PRKN: variants seen among roughly 807,000 people sequenced by gnomAD.
PRKN encodes the protein E3 ubiquitin-protein ligase parkin.
PRKN carries 56 observed loss-of-function variants against 59.5 expected under a neutral mutation model. The observed-to-expected ratio is 0.94, with a 90% CI of 0.76 to 1.18. PRKN has a LOEUF of 1.18. Ranked by LOEUF, PRKN falls within the 50% of genes most tolerant of loss-of-function variation. The pLI, the probability that PRKN is intolerant of heterozygous loss-of-function variation, is 0.00. For synonymous variants in PRKN, 250 were observed against 222.1 expected (o/e 1.13, Z -1.12); for missense variants, 657 against 596.4 (o/e 1.10, Z -1.06).
Position 161,410,527 on chromosome 6 carries a change from C to A in PRKN, c.1084-23650G>T, listed in dbSNP as rs1787485791. On this transcript the variant is annotated intron_variant, in intron 9 of 11. Transcript: ENST00000366898. The surrounding 1 kb of genome is among the most constrained non-coding windows in gnomAD (Gnocchi z 5.3). ...AAGCTCTTGGTCCCCTAAGGCCCTG[C>A]TCCTGGCAGATACTCTAAGGAGCCC... Among the ~76,000 whole-genome samples the A allele has an allele frequency of 6.6e-6, 1 of 152,174 alleles. No homozygotes were observed. Among genetic ancestry groups the A allele is most frequent in the Non-Finnish European group, 1.5e-5 (1 of 68,040 alleles).
intron 7 of PRKN, among the ~76,000 whole-genome samples, chr6:161,763,182 C>T (rs141079233): frequency 2.6e-5 from 4 of 152,248 alleles, no homozygotes; most frequent in Admixed American, 6.5e-5. Flanking sequence ...GTCTTTGAAT[C>T]GCACAAATCA....
Position 162,251,544 on chromosome 6 carries a change from T to G in PRKN, c.412+10981A>C, listed in dbSNP as rs974377660. Among the ~76,000 whole-genome samples the G allele has an allele frequency of 2.0e-5, 3 of 152,214 alleles. No homozygotes were observed. The South Asian group carries it at 6.2e-4, about 32-fold the overall frequency. On this transcript the variant is annotated intron_variant, in intron 3 of 11. Coordinates refer to ENST00000366898, the MANE Select transcript of PRKN (RefSeq NM_004562.3). ...AGATATGCTTAGCAGTTGAAGAATT[T>G]CTTTCTTATCTTAAATAGTAATACA...
chr6:162,321,037 T>C (rs970281284), intron 2 of PRKN, among the ~76,000 whole-genome samples: 1 of 151,570 alleles, frequency 6.6e-6, no homozygotes, highest in Non-Finnish European at 1.5e-5. Flanking sequence ...AGGTGAAAAA[T>C]CACTGGTTGA....
intron 6 of PRKN, among the ~76,000 whole-genome samples, chr6:161,886,753 A>ACAT (rs57686424): frequency 1.2e-4 from 16 of 134,962 alleles, no homozygotes; most frequent in African/African-American, 4.5e-4. Flanking sequence ...TAATAAAATA[A>ACAT]AAAAAAATAA....
intron 9 of PRKN, among the ~76,000 whole-genome samples, chr6:161,537,161 C>T (rs1489892442): frequency 1.3e-5 from 2 of 152,200 alleles, no homozygotes; most frequent in African/African-American, 4.8e-5. Context: ...CAGCTATCTT[C>T]TGAACACATA....
chr6:161,856,560 A>G (rs1370975897), intron 6 of PRKN, among the ~76,000 whole-genome samples: 2 of 152,108 alleles, frequency 1.3e-5, no homozygotes, highest in African/African-American at 4.8e-5. Flanking sequence ...GCACATTTTT[A>G]CCATAAATGG....
chr6:161,360,233 A>T lies in PRKN; in HGVS notation c.1168-28T>A, dbSNP rs995928189. ...GGGGAAACAAAGAGGAAAGGCGTTT[A>T]ATCTCAGCTTTCTATTACTGGGATC... On this transcript the variant is annotated intron_variant, in intron 10 of 11. Transcript: ENST00000366898. The surrounding 1 kb of genome is among the most constrained non-coding windows in gnomAD (Gnocchi z 5.1). The T allele has an allele frequency of 6.6e-7, 1 of 1,520,490 alleles. No individual in the cohort carries two copies. Among genetic ancestry groups the T allele is most frequent in the Non-Finnish European group, 9.1e-7 (1 of 1,094,126 alleles). The allele number at this position is 1,520,490 out of a possible 1,614,324, so 94.2% of individuals were successfully genotyped here.
intron 6 of PRKN, among the ~76,000 whole-genome samples, chr6:161,872,274 G>A (rs1258284165): frequency 1.3e-5 from 2 of 152,122 alleles, no homozygotes; most frequent in Non-Finnish European, 2.9e-5. Context: ...CTCCTGCACA[G>A]ATTCGAAAAG....
chr6:162,232,775 C>G (rs1778477641), intron 3 of PRKN, among the ~76,000 whole-genome samples: 1 of 152,116 alleles, frequency 6.6e-6, no homozygotes, highest in African/African-American at 2.4e-5. Context: ...GCCAAGACCT[C>G]CTATGCATTT....
intron 1 of PRKN, among the ~76,000 whole-genome samples, chr6:162,543,588 T>C (rs1779005751): frequency 6.6e-6 from 1 of 152,002 alleles, no homozygotes; most frequent in African/African-American, 2.4e-5. Context: ...AAAAGGACCT[T>C]CCCCCAAACC....
intron 5 of PRKN, among the ~76,000 whole-genome samples, chr6:162,024,051 A>G (rs1366837526): frequency 6.6e-6 from 1 of 152,134 alleles, no homozygotes; most frequent in Non-Finnish European, 1.5e-5. Flanking sequence ...GTATATTGAT[A>G]GGAATGACAT....
chr6:162,421,129 G>T (rs1788939112), intron 2 of PRKN, among the ~76,000 whole-genome samples: 1 of 152,112 alleles, frequency 6.6e-6, no homozygotes, highest in Non-Finnish European at 1.5e-5. Flanking sequence ...AGAACTCCAG[G>T]TAATCATTAA....
In PRKN at chr6:161,551,482, A is replaced by G. The variant is rs565800493; in HGVS notation, c.934-2479T>C. 3.9e-5 allele frequency among the ~76,000 whole-genome samples: 6 copies of G among 152,344 alleles called. No individual in the cohort carries two copies. Among genetic ancestry groups the G allele is most frequent in the African/African-American group, 1.4e-4 (6 of 41,586 alleles). On this transcript the variant is annotated intron_variant, in intron 8 of 11. Transcript: ENST00000366898. This position sits in a 1 kb window ranked among gnomAD's most constrained non-coding sequence, Gnocchi z 5.2. ...AAAGGAGACTAAGGAGCAGCAGCCT[A>G]TGAGGCAGGTGAAAACTGAGGAGGA...
chr6:161,989,605 C>T (rs961833495), intron 5 of PRKN, among the ~76,000 whole-genome samples: 19 of 152,212 alleles, frequency 1.2e-4, no homozygotes, highest in Non-Finnish European at 2.1e-4. Context: ...GTGTCCCAGC[C>T]GCCACAGCCT....
At position 161,554,747 on chromosome 6, in the gene PRKN, T is replaced by C. The variant is rs1780171301; in HGVS notation, c.934-5744A>G. On this transcript the variant is annotated intron_variant, in intron 8 of 11. Transcript: ENST00000366898. The surrounding 1 kb of genome is among the most constrained non-coding windows in gnomAD (Gnocchi z 4.5). ...GTGTGTGTGTGTGTATATATATATA[T>C]ATATATACATACACACTTATATTTA... Among the ~76,000 whole-genome samples the C allele has an allele frequency of 6.6e-6, 1 of 150,926 alleles. No individual in the cohort carries two copies. Among genetic ancestry groups the C allele is most frequent in the South Asian group, 2.1e-4 (1 of 4,810 alleles).
In PRKN at chr6:161,388,005, G is replaced by A. The variant is rs1436995640; in HGVS notation, c.1084-1128C>T. On this transcript the variant is annotated intron_variant, in intron 9 of 11. Transcript: ENST00000366898. The surrounding 1 kb of genome is among the most constrained non-coding windows in gnomAD (Gnocchi z 4.3). ...AAGAAAGCTGGAAGAGTGAATGCCA[G>A]AGAGGCTCGTTTAGGGCTGTCTGTC... 6.6e-6 allele frequency among the ~76,000 whole-genome samples: 1 copy of A among 152,338 alleles called. No individual in the cohort carries two copies. The highest frequency in any genetic ancestry group is 1.9e-4 in the East Asian group (1 of 5,180).
chr6:161,716,426 C>A (rs748635650), intron 7 of PRKN, among the ~76,000 whole-genome samples: 44 of 152,086 alleles, frequency 2.9e-4, no homozygotes, highest in Non-Finnish European at 5.7e-4. Flanking sequence ...TGGCAATTTG[C>A]TGCTGGTAGC....
intron 5 of PRKN, among the ~76,000 whole-genome samples, chr6:162,025,739 C>T (rs1010225470): frequency 4.0e-5 from 6 of 151,692 alleles, no homozygotes; most frequent in African/African-American, 1.5e-4. Flanking sequence ...CAGGCATGTC[C>T]ACACCTGGCT....
chr6:161,481,198 T>C (rs73589790), intron 9 of PRKN, among the ~76,000 whole-genome samples: 3,810 of 152,332 alleles, frequency 0.025, 156 homozygotes, highest in African/African-American at 0.087. Context: ...GAAAGGGCTC[T>C]ACCAATTAAA....
Sources: gnomAD v4.1 joint callset for allele counts (sites outside exome capture counted in the v4.1 genomes callset) on GRCh38, gnomAD v4.1.1 for gene constraint, Gnocchi (gnomAD v3.1) non-coding constraint, MANE v1.5 for transcripts, NCBI Gene and HGNC (gene_info 2026-07-23, HGNC 2026-07-21) for gene names.